The following GRIK1 variants were observed in gnomAD, a reference collection of about 807,000 sequenced individuals.
GRIK1 encodes the protein glutamate receptor ionotropic, kainate 1.
GRIK1 carries 69 observed loss-of-function variants against 105.7 expected under a neutral mutation model. The ratio of observed to expected loss-of-function variants is 0.65; its 90% confidence interval spans 0.54 to 0.80. The LOEUF (loss-of-function observed/expected upper bound fraction) is 0.80. GRIK1 is among the 30% of genes least tolerant of loss of function. The pLI is 0.00. For missense variants in GRIK1, 1,109 were observed against 1,167.3 expected (o/e 0.95, Z 0.73); for synonymous variants, 438 against 431.3 (o/e 1.02, Z -0.19).
chr21:29,577,383 A>G (rs566273425), intron 13 of GRIK1, among the ~76,000 whole-genome samples: 155 of 152,360 alleles, frequency 1.0e-3, no homozygotes, highest in Non-Finnish European at 2.0e-3. Context: ...TGCTTTAACT[A>G]TAATTTATCA....
chr21:29,558,709 TTA>T (rs200405465), intron 15 of GRIK1, among the ~76,000 whole-genome samples: 6,425 of 143,706 alleles, frequency 0.045, 226 homozygotes, highest in African/African-American at 0.098. Flanking sequence ...ATATGTATAT[TTA>T]TATATATATT....
intron 8 of GRIK1, among the ~76,000 whole-genome samples, chr21:29,597,866 C>T: frequency 6.6e-6 from 1 of 152,000 alleles, no homozygotes; most frequent in East Asian, 1.9e-4. Flanking sequence ...AAAATGTGTC[C>T]TGGTTAACAA....
intron 7 of GRIK1, among the ~76,000 whole-genome samples, chr21:29,604,336 A>G (rs969549333): frequency 1.2e-4 from 18 of 152,106 alleles, no homozygotes. Context: ...AATATCTTTG[A>G]CCTTCAACGT....
At chr21:29,596,618 A>G in intron 8 of GRIK1, 48 bp from the exon 9 acceptor site, 1 of 1,339,084 alleles carries the variant, frequency 7.5e-7, no homozygotes. Flanking sequence ...CTTAATTAAA[A>G]TGGAGCGTGA....
chr21:29,796,975 GAA>G (rs11349620), intron 1 of GRIK1, among the ~76,000 whole-genome samples: 4,894 of 147,774 alleles, frequency 0.033, 135 homozygotes, highest in Middle Eastern at 0.072. Context: ...ACAAACAACA[GAA>G]AAAAAAAAAA....
At chr21:29,733,701 G>A (rs1028707748) in intron 1 of GRIK1, among the ~76,000 whole-genome samples, 18 of 151,902 alleles carry the variant, frequency 1.2e-4, no homozygotes, top group African/African-American at 4.4e-4. Flanking sequence ...TCATTTTGAG[G>A]AAAAGGATTG....
intron 7 of GRIK1, among the ~76,000 whole-genome samples, chr21:29,638,932 A>G (rs375725884): frequency 6.6e-6 from 1 of 152,210 alleles, no homozygotes; most frequent in African/African-American, 2.4e-5. Flanking sequence ...ATGTTATAGA[A>G]GGAGGAACTG....
At chr21:29,797,491 C>T (rs1037239424) in intron 1 of GRIK1, among the ~76,000 whole-genome samples, 5 of 152,132 alleles carry the variant, frequency 3.3e-5, no homozygotes, top group Non-Finnish European at 5.9e-5. Flanking sequence ...CCAATGTATA[C>T]GGGGAAGCTG....
rs3026032 is a variant in GRIK1, at chr21:29,579,463, C to T, written c.1912+1962G>A. Among the ~76,000 whole-genome samples, 587 of 152,216 alleles carry T rather than the reference C, an allele frequency of 3.9e-3. 3 individuals are homozygous for T. The highest frequency in any genetic ancestry group is 0.013 in the African/African-American group (550 of 41,546). ...GCTGAAGTCTCTTTAGTGCCTTTTA[C>T]GGCAGACATGACAGCCAATCCTGAT... On this transcript the variant is annotated intron_variant, in intron 13 of 17. Transcript: ENST00000327783.
chr21:29,691,507 A>G (rs1454762138), intron 2 of GRIK1, among the ~76,000 whole-genome samples: 1 of 152,214 alleles, frequency 6.6e-6, no homozygotes, highest in Admixed American at 6.5e-5. Flanking sequence ...CACTTGAAAC[A>G]TATTAACCAA....
At chr21:29,728,252 T>C (rs2064520559) in intron 1 of GRIK1, among the ~76,000 whole-genome samples, 2 of 152,174 alleles carry the variant, frequency 1.3e-5, no homozygotes, top group African/African-American at 4.8e-5. Context: ...TCCACACAAT[T>C]ATATTTTCTC....
chr21:29,858,057 C>T (rs369357252), intron 1 of GRIK1, among the ~76,000 whole-genome samples: 17 of 152,206 alleles, frequency 1.1e-4, no homozygotes, highest in Middle Eastern at 3.4e-3. Context: ...AGTGCTATCA[C>T]GCCTGGCTAA....
At chr21:29,647,851 AT>A (rs554987348) in intron 6 of GRIK1, among the ~76,000 whole-genome samples, 93 of 152,318 alleles carry the variant, frequency 6.1e-4, no homozygotes, top group African/African-American at 2.1e-3. Context: ...TTCTCAAGAT[AT>A]TTTTTAATAA....
chr21:29,689,287 A>G (rs1346452024), intron 3 of GRIK1, among the ~76,000 whole-genome samples: 1 of 152,172 alleles, frequency 6.6e-6, no homozygotes, highest in Non-Finnish European at 1.5e-5. Context: ...AATCCACTCT[A>G]TTGGTACAAC....
intron 1 of GRIK1, among the ~76,000 whole-genome samples, chr21:29,875,133 A>G (rs771144252): frequency 2.6e-5 from 4 of 151,912 alleles, no homozygotes; most frequent in Non-Finnish European, 5.9e-5. Flanking sequence ...CCTCAGCACC[A>G]CTTTATCAAT....
chr21:29,765,998 C>G (rs1304810454), intron 1 of GRIK1, among the ~76,000 whole-genome samples: 1 of 151,918 alleles, frequency 6.6e-6, no homozygotes, highest in African/African-American at 2.4e-5. Context: ...ACTACAGGCG[C>G]CCGCCACCAC....
At chr21:29,822,516 G>A (rs150854314) in intron 1 of GRIK1, among the ~76,000 whole-genome samples, 5 of 151,978 alleles carry the variant, frequency 3.3e-5, no homozygotes, top group African/African-American at 1.2e-4. Context: ...CAGAATAGAC[G>A]GCCCCTCATC....
chr21:29,578,559 G>A (rs371839164), intron 13 of GRIK1, among the ~76,000 whole-genome samples: 4 of 152,134 alleles, frequency 2.6e-5, no homozygotes, highest in East Asian at 1.9e-4. Flanking sequence ...ATGCTATTAC[G>A]TATCTTTGTG....
chr21:29,774,094 T>C (rs1025329629), intron 1 of GRIK1, among the ~76,000 whole-genome samples: 16 of 152,212 alleles, frequency 1.1e-4, no homozygotes, highest in African/African-American at 3.9e-4. Flanking sequence ...AAGGCATTCA[T>C]CTTCCTTCCC....
Sources: allele counts gnomAD v4.1 joint callset (sites outside exome capture counted in the v4.1 genomes callset), GRCh38; gene constraint gnomAD v4.1.1; transcripts MANE v1.5; gene names NCBI Gene and HGNC (gene_info 2026-07-23, HGNC 2026-07-21).